The following EYA1 variants were observed in gnomAD, a reference collection of about 807,000 sequenced individuals.
EYA1 encodes the protein protein phosphatase EYA1.
A neutral mutation model predicts 82.0 loss-of-function variants in EYA1; 16 were observed. That is an observed-to-expected ratio of 0.20 (90% CI 0.13 to 0.30). EYA1 has a LOEUF of 0.30. Ranked by LOEUF, EYA1 falls within the 10% of genes least tolerant of loss-of-function variation. EYA1 has a pLI of 1.00. For missense variants in EYA1, 633 were observed against 730.7 expected, an observed-to-expected ratio of 0.87 and a Z score of 1.54; for synonymous variants, 261 against 264.4, an observed-to-expected ratio of 0.99 and a Z score of 0.12.
chr8:71,293,843 G>A (rs185316951), intron 9 of EYA1, among the ~76,000 whole-genome samples: 4 of 104,342 alleles, frequency 3.8e-5, no homozygotes, highest in Non-Finnish European at 7.0e-5. Context: ...ACTTCATGGC[G>A]AGAAACTAGA....
At chr8:71,285,958 G>A (rs1330278031) in intron 9 of EYA1, among the ~76,000 whole-genome samples, 2 of 152,150 alleles carry the variant, frequency 1.3e-5, no homozygotes, top group East Asian at 3.8e-4. Context: ...TAACTATACA[G>A]TCAACTTTTT....
intron 17 of EYA1, among the ~76,000 whole-genome samples, chr8:71,209,459 A>G (rs1808238689): frequency 6.6e-6 from 1 of 152,098 alleles, no homozygotes. Flanking sequence ...CACCAACCAG[A>G]CTCACGCAGG....
chr8:71,265,246 G>A (rs1451673303), intron 11 of EYA1, among the ~76,000 whole-genome samples: 1 of 151,906 alleles, frequency 6.6e-6, no homozygotes, highest in Non-Finnish European at 1.5e-5. Context: ...GCTAGACATG[G>A]TGCTGAGTAT....
rs115350450 is a variant in EYA1 at position 71,448,198 on chromosome 8, G to T, written c.33+87546C>A. On this transcript the variant is annotated intron_variant, in intron 2 of 18. Transcript: ENST00000643681. Reference sequence around the variant, plus strand: ...ATTTAAGAGCCTTTCATGCACAATAGGACTTCTCGCAAAATTAAAGACAAT... The same window carrying T: ...ATTTAAGAGCCTTTCATGCACAATATGACTTCTCGCAAAATTAAAGACAAT... 2.5e-3 allele frequency among the ~76,000 whole-genome samples: 379 copies of T among 151,826 alleles called. 3 individuals are homozygous for T. Among genetic ancestry groups the T allele is most frequent in the African/African-American group, 8.9e-3 (369 of 41,412 alleles).
At chr8:71,395,341 G>A (rs1327732922) in intron 2 of EYA1, among the ~76,000 whole-genome samples, 1 of 152,160 alleles carries the variant, frequency 6.6e-6, no homozygotes, top group East Asian at 1.9e-4. Flanking sequence ...GAATAGGAGT[G>A]GTGAGAGAGG....
intron 2 of EYA1, among the ~76,000 whole-genome samples, chr8:71,489,731 C>A (rs887254808): frequency 6.6e-6 from 1 of 152,226 alleles, no homozygotes; most frequent in Non-Finnish European, 1.5e-5. Flanking sequence ...TCTAGGCCTG[C>A]AAAAACTTGC....
At chr8:71,261,150 C>T (rs1028387156) in intron 11 of EYA1, among the ~76,000 whole-genome samples, 3 of 152,064 alleles carry the variant, frequency 2.0e-5, no homozygotes, top group Non-Finnish European at 4.4e-5. Flanking sequence ...TATGCTGAAA[C>T]ATTGTTTTTT....
In EYA1 at chr8:71,398,792, G is replaced by A. The variant is rs140173190; in HGVS notation, c.34-42281C>T. On this transcript the variant is annotated intron_variant, in intron 2 of 18. Coordinates refer to the EYA1 transcript ENST00000643681. ...TGTCTGTTCTCAGGTCTCAAACTCC[G>A]TGCTGGGAGAACCACTACTCTCTTC... Among the ~76,000 whole-genome samples, 318 of 152,348 alleles carry A rather than the reference G, an allele frequency of 2.1e-3. 2 individuals carry two copies. Among genetic ancestry groups the A allele is most frequent in the African/African-American group, 7.0e-3 (291 of 41,576 alleles).
At chr8:71,257,242 G>A (rs796906981) in intron 11 of EYA1, among the ~76,000 whole-genome samples, 14 of 152,172 alleles carry the variant, frequency 9.2e-5, no homozygotes, top group African/African-American at 2.6e-4. Context: ...AGAGGGATAC[G>A]ATGAAGATAT....
intron 2 of EYA1, among the ~76,000 whole-genome samples, chr8:71,373,247 G>T (rs185160482): frequency 2.0e-5 from 3 of 152,098 alleles, no homozygotes; most frequent in Admixed American, 6.5e-5. Context: ...CCCCTTAAAG[G>T]TTCCACAAAA....
intron 2 of EYA1, among the ~76,000 whole-genome samples, chr8:71,376,582 T>C (rs1828385022): frequency 6.6e-6 from 1 of 152,112 alleles, no homozygotes; most frequent in Non-Finnish European, 1.5e-5. Context: ...ACCAGGGTTT[T>C]CTCTGGGCAA....
chr8:71,534,183 T>C (rs1475869000), intron 2 of EYA1, among the ~76,000 whole-genome samples: 1 of 152,228 alleles, frequency 6.6e-6, no homozygotes, highest in African/African-American at 2.4e-5. Context: ...GGAGCAGAGT[T>C]CATAAAAGGT....
intron 9 of EYA1, among the ~76,000 whole-genome samples, chr8:71,274,734 C>T (rs1816924132): frequency 6.6e-6 from 1 of 152,186 alleles, no homozygotes; most frequent in Non-Finnish European, 1.5e-5. Context: ...TAGGAGAACA[C>T]AGAGGAAGTC....
intron 2 of EYA1, among the ~76,000 whole-genome samples, chr8:71,405,460 G>T (rs978302362): frequency 6.6e-6 from 1 of 152,152 alleles, no homozygotes; most frequent in African/African-American, 2.4e-5. Context: ...CTGTGCAATT[G>T]TTATTACACT....
chr8:71,464,085 C>T (rs916635136), intron 2 of EYA1, among the ~76,000 whole-genome samples: 1 of 152,096 alleles, frequency 6.6e-6, no homozygotes, highest in African/African-American at 2.4e-5. Context: ...CTTTCTACTA[C>T]CACATCTAAA....
intron 2 of EYA1, among the ~76,000 whole-genome samples, chr8:71,472,854 T>C (rs1302947841): frequency 2.0e-5 from 3 of 150,026 alleles, no homozygotes; most frequent in Non-Finnish European, 4.4e-5. Flanking sequence ...TATTTATGTT[T>C]ATTTATATTG....
chr8:71,417,818 A>G (rs550844800), intron 2 of EYA1, among the ~76,000 whole-genome samples: 35 of 152,298 alleles, frequency 2.3e-4, no homozygotes, highest in African/African-American at 7.7e-4. Context: ...ATATAACTCT[A>G]TCTTGATATC....
intron 6 of EYA1, among the ~76,000 whole-genome samples, chr8:71,321,251 C>T (rs972071185): frequency 6.6e-6 from 1 of 152,138 alleles, no homozygotes; most frequent in Non-Finnish European, 1.5e-5. Context: ...ATATATAGAT[C>T]ACTTTTCCTA....
chr8:71,354,680 GT>G (rs1378165552), intron 3 of EYA1, 101 bp downstream of exon 3: 5 of 1,175,502 alleles, frequency 4.3e-6, no homozygotes, highest in Non-Finnish European at 5.0e-6. Flanking sequence ...TATAAGAGTA[GT>G]TTTATGATTT....
Sources: allele counts gnomAD v4.1 joint callset (sites outside exome capture counted in the v4.1 genomes callset), GRCh38; gene constraint gnomAD v4.1.1; transcripts MANE v1.5; gene names NCBI Gene and HGNC (gene_info 2026-07-23, HGNC 2026-07-21).